TLK2: variants seen among roughly 807,000 people sequenced by gnomAD.
TLK2 encodes tousled like kinase 2, also known as serine/threonine-protein kinase tousled-like 2.
In TLK2, 6 loss-of-function variants were observed where a neutral mutation model predicts 117.3. The ratio of observed to expected loss-of-function variants is 0.05; its 90% CI spans 0.03 to 0.10. TLK2 has a LOEUF of 0.10. TLK2 is among the 10% of genes least tolerant of loss of function. The pLI, the probability that TLK2 is intolerant of heterozygous loss-of-function variation, is 1.00. For synonymous variants in TLK2, 257 were observed against 316.7 expected, an observed-to-expected ratio of 0.81 and a Z score of 2.00; for missense variants, 299 against 901.2, an observed-to-expected ratio of 0.33 and a Z score of 8.56.
At chr17:62,541,637 G>A (rs1333192458) in intron 7 of TLK2, among the ~76,000 whole-genome samples, 2 of 152,102 alleles carry the variant, frequency 1.3e-5, no homozygotes, top group African/African-American at 2.4e-5. Flanking sequence ...GAGAGGTCTC[G>A]CTATGTTGCC....
At chr17:62,591,522 A>G (rs1019816417) in intron 16 of TLK2, among the ~76,000 whole-genome samples, 2 of 152,184 alleles carry the variant, frequency 1.3e-5, no homozygotes, top group African/African-American at 4.8e-5. Flanking sequence ...GCAAGGAGCC[A>G]GGCCTCTGTG....
chr17:62,485,337 G>T (rs1281149157), intron 2 of TLK2, among the ~76,000 whole-genome samples: 1 of 152,172 alleles, frequency 6.6e-6, no homozygotes, highest in Non-Finnish European at 1.5e-5. Flanking sequence ...TCTGGTTGTT[G>T]TAAATCTTCT....
At chr17:62,555,770 C>T (rs994704769) in intron 9 of TLK2, among the ~76,000 whole-genome samples, 12 of 151,362 alleles carry the variant, frequency 7.9e-5, no homozygotes, top group Non-Finnish European at 1.3e-4. Context: ...AGCCACCGCG[C>T]CCGGCTATTA....
At chr17:62,568,952 A>AT (rs2080035960) in intron 11 of TLK2, among the ~76,000 whole-genome samples, 2 of 152,190 alleles carry the variant, frequency 1.3e-5, no homozygotes, top group Admixed American at 6.5e-5. Flanking sequence ...TAGGTATCGT[A>AT]TACCATTTCA....
Position 62,508,329 on chromosome 17 carries a change from T to C in TLK2, c.82-12444T>C, listed in dbSNP as rs2074886362. 5 of 621,712 alleles carry C rather than the reference T, an allele frequency of 8.0e-6. No individual in the cohort carries two copies. The African/African-American group carries it at 1.0e-4, about 12-fold the overall frequency. The allele number at this position is 621,712 out of a possible 1,614,324, so 38.5% of individuals were successfully genotyped here. ...TAAGAAAATAAGATAAAATACCACA[T>C]AGTTAAACTTAAATAATGTGGACAA... On this transcript the variant is annotated intron_variant, in intron 2 of 21. Coordinates refer to ENST00000346027, the MANE Select transcript of TLK2 (RefSeq NM_006852.6).
In TLK2 at chr17:62,498,660, G is replaced by A. The variant is rs1054336795; in HGVS notation, c.81+17454G>A. On this transcript the variant is annotated intron_variant, in intron 2 of 21. Transcript: ENST00000346027. ...CCTGCCTTGGCCTCCCAAAGTGCTG[G>A]GATTACAGGCATGAGCCACCGGGCC... 7.9e-5 allele frequency among the ~76,000 whole-genome samples: 12 copies of A among 152,226 alleles called. No homozygotes were observed. The South Asian group carries it at 1.7e-3, about 21-fold the overall frequency.
chr17:62,607,524 A>G (rs1244148337), intron 20 of TLK2, among the ~76,000 whole-genome samples: 1 of 151,772 alleles, frequency 6.6e-6, no homozygotes, highest in South Asian at 2.1e-4. Context: ...GCGAGACTCC[A>G]TCTCAAAAAA....
intron 2 of TLK2, chr17:62,508,554 G>C (rs941152855): frequency 1.0e-6 from 1 of 985,150 alleles, no homozygotes; most frequent in African/African-American, 1.7e-5. Context: ...ATAACAAAAG[G>C]TACTGAGGAC....
intron 15 of TLK2, among the ~76,000 whole-genome samples, chr17:62,582,080 C>T (rs2081262258): frequency 6.6e-6 from 1 of 152,050 alleles, no homozygotes; most frequent in Admixed American, 6.6e-5. Flanking sequence ...GACCATGCCT[C>T]TACAAAGAAA....
chr17:62,555,846 G>A (rs2078824936), intron 9 of TLK2, among the ~76,000 whole-genome samples: 1 of 152,028 alleles, frequency 6.6e-6, no homozygotes, highest in Non-Finnish European at 1.5e-5. Flanking sequence ...GAGTGCAGTG[G>A]CGCAGTCTTG....
At chr17:62,549,420 A>AAAAAAAAAAAGT (rs2078246208) in intron 7 of TLK2, among the ~76,000 whole-genome samples, 1 of 7,470 alleles carries the variant, frequency 1.3e-4, no homozygotes, top group African/African-American at 1.7e-4. Context: ...AAAAAAAAAA[A>AAAAAAAAAAAGT]AAAAAAAAAA....
chr17:62,591,558 A>G, intron 16 of TLK2, among the ~76,000 whole-genome samples: 1 of 152,134 alleles, frequency 6.6e-6, no homozygotes, highest in East Asian at 1.9e-4. Context: ...GTGTTCTAAC[A>G]CCTGCCTCAG....
At chr17:62,607,178 G>A (rs1440311228) in intron 20 of TLK2, among the ~76,000 whole-genome samples, 3 of 152,040 alleles carry the variant, frequency 2.0e-5, no homozygotes, top group Admixed American at 2.0e-4. Context: ...AGTAGAACCA[G>A]TATAGAGAGA....
At chr17:62,589,220 G>A (rs530822256) in intron 16 of TLK2, among the ~76,000 whole-genome samples, 75 of 152,112 alleles carry the variant, frequency 4.9e-4, no homozygotes, top group African/African-American at 1.7e-3. Flanking sequence ...TATTACGACT[G>A]CTTTAACTCC....
intron 11 of TLK2, among the ~76,000 whole-genome samples, chr17:62,569,718 C>T (rs943298879): frequency 3.3e-5 from 5 of 152,150 alleles, no homozygotes; most frequent in East Asian, 1.9e-4. Context: ...TGAGCCACCG[C>T]GCCCGGCCAC....
chr17:62,506,625 A>G (rs1047893026), intron 2 of TLK2, among the ~76,000 whole-genome samples: 8 of 152,178 alleles, frequency 5.3e-5, no homozygotes, highest in African/African-American at 1.9e-4. Flanking sequence ...CCTCTTGGGT[A>G]TTTTAAATCT....
chr17:62,485,059 A>G (rs2072178512), intron 2 of TLK2, among the ~76,000 whole-genome samples: 1 of 152,268 alleles, frequency 6.6e-6, no homozygotes, highest in African/African-American at 2.4e-5. Context: ...AAAAAAGAAT[A>G]TCACTGTGTT....
At chr17:62,552,126 G>C (rs1033161737) in intron 7 of TLK2, 176 bp from the exon 8 acceptor site, 31 of 897,948 alleles carry the variant, frequency 3.5e-5, no homozygotes, top group Middle Eastern at 6.6e-4. Flanking sequence ...CCAGCCCTTT[G>C]TCTCATATTT....
intron 1 of TLK2, among the ~76,000 whole-genome samples, chr17:62,473,617 G>C (rs1438699671): frequency 6.6e-6 from 1 of 152,192 alleles, no homozygotes; most frequent in African/African-American, 2.4e-5. Context: ...GTGGGGCCCA[G>C]CAATCTGCGT....
Sources: gnomAD v4.1 joint callset for allele counts (sites outside exome capture counted in the v4.1 genomes callset) on GRCh38, gnomAD v4.1.1 for gene constraint, MANE v1.5 for transcripts, NCBI Gene and HGNC (gene_info 2026-07-23, HGNC 2026-07-21) for gene names.